CFAP299: variants seen among roughly 807,000 people sequenced by gnomAD.
CFAP299 encodes the protein cilia and flagella associated protein 299, also known as cilia- and flagella-associated protein 299.
A neutral mutation model predicts 27.0 loss-of-function variants in CFAP299; 21 were observed. The observed-to-expected ratio is 0.78, with a 90% CI of 0.55 to 1.12. CFAP299 has a LOEUF of 1.12. Among genes scored for constraint, CFAP299 ranks in the 50% most tolerant of loss-of-function variants. The pLI, the probability that CFAP299 is intolerant of heterozygous loss-of-function variation, is 0.00. For synonymous variants in CFAP299, 104 were observed against 98.1 expected, an observed-to-expected ratio of 1.06 and a Z score of -0.36; for missense variants, 310 against 276.6, an observed-to-expected ratio of 1.12 and a Z score of -0.86.
intron 4 of CFAP299, among the ~76,000 whole-genome samples, chr4:80,931,357 T>C (rs1374415170): frequency 1.3e-5 from 2 of 152,108 alleles, no homozygotes; most frequent in Non-Finnish European, 2.9e-5. Context: ...CCCCTTAGAA[T>C]TTCTAAGATG....
intron 3 of CFAP299, among the ~76,000 whole-genome samples, chr4:80,731,793 T>C (rs1268029207): frequency 6.6e-6 from 1 of 152,176 alleles, no homozygotes; most frequent in Non-Finnish European, 1.5e-5. Flanking sequence ...TCTCATAATG[T>C]CATGATTATT....
At chr4:80,461,581 G>A (rs1729439994) in intron 2 of CFAP299, among the ~76,000 whole-genome samples, 1 of 152,104 alleles carries the variant, frequency 6.6e-6, no homozygotes, top group East Asian at 1.9e-4. Flanking sequence ...AGGGAGGAAT[G>A]TATAATGAGG....
chr4:80,914,225 T>G (rs1427285659), intron 4 of CFAP299, among the ~76,000 whole-genome samples: 1 of 152,212 alleles, frequency 6.6e-6, no homozygotes, highest in Non-Finnish European at 1.5e-5. Flanking sequence ...TTATTGGATA[T>G]GATAAGCACA....
rs114877588 is a variant in CFAP299, at chr4:80,636,256, A to G, written c.333+53073A>G. The stretch of plus-strand genomic sequence containing the variant: ...TAACTTTCAGGTGGCCTTAAACTTC[A>G]TGTGACTCTTTATTGTATCCTCAGA... On this transcript the variant is annotated intron_variant, in intron 3 of 5. Coordinates refer to ENST00000358105, the MANE Select transcript of CFAP299 (RefSeq NM_152770.3). Among the ~76,000 whole-genome samples, 871 of 152,280 alleles carry G rather than the reference A, an allele frequency of 5.7e-3. 6 individuals are homozygous for G. Among genetic ancestry groups the G allele is most frequent in the African/African-American group, 0.02 (812 of 41,572 alleles).
chr4:80,650,875 G>T (rs113763853), intron 3 of CFAP299, among the ~76,000 whole-genome samples: 3 of 151,984 alleles, frequency 2.0e-5, no homozygotes, highest in Non-Finnish European at 2.9e-5. Context: ...GGATGGGAAG[G>T]GGGTGCGGGA....
intron 3 of CFAP299, among the ~76,000 whole-genome samples, chr4:80,673,628 C>T (rs1400596609): frequency 6.6e-6 from 1 of 152,080 alleles, no homozygotes; most frequent in Non-Finnish European, 1.5e-5. Context: ...TAAAGTCTCC[C>T]ATTATTATTG....
intron 3 of CFAP299, among the ~76,000 whole-genome samples, chr4:80,761,284 C>A (rs1052967798): frequency 6.6e-6 from 1 of 151,892 alleles, no homozygotes; most frequent in African/African-American, 2.4e-5. Context: ...CCAAAACTTT[C>A]TTTCCTCCTA....
intron 3 of CFAP299, among the ~76,000 whole-genome samples, chr4:80,646,988 A>AGTGTGTGTGT (rs1187314742): frequency 6.4e-5 from 2 of 31,040 alleles, no homozygotes; most frequent in African/African-American, 1.2e-4. Context: ...AGAGAGAGAG[A>AGTGTGTGTGT]GTGTGTGTGT....
At chr4:80,321,510 G>T in the CFAP299 span, among the ~76,000 whole-genome samples, 553 of 152,178 alleles carry the variant, frequency 3.6e-3, 4 homozygotes, top group African/African-American at 0.013. Flanking sequence ...GTGGCCACAT[G>T]TCCCCCCGCC....
intron 3 of CFAP299, among the ~76,000 whole-genome samples, chr4:80,618,048 A>G (rs958709056): frequency 6.6e-6 from 1 of 152,160 alleles, no homozygotes; most frequent in Non-Finnish European, 1.5e-5. Context: ...TTTGTGATGT[A>G]TGGTCATTTG....
chr4:80,841,980 A>G (rs1327882731), intron 3 of CFAP299, among the ~76,000 whole-genome samples: 3 of 152,056 alleles, frequency 2.0e-5, no homozygotes, highest in Non-Finnish European at 1.5e-5. Flanking sequence ...AGTATTTCTC[A>G]GTGTGTGAGC....
At chr4:80,668,283 C>A (rs1183057233) in intron 3 of CFAP299, among the ~76,000 whole-genome samples, 2 of 151,872 alleles carry the variant, frequency 1.3e-5, no homozygotes, top group Non-Finnish European at 2.9e-5. Flanking sequence ...ACATGTTTTC[C>A]CGCTGTGCAG....
Position 80,856,689 on chromosome 4 carries a change from G to T in CFAP299, c.334-13304G>T, listed in dbSNP as rs548623151. ...CTTTCCCCATTGCTTGTTTTTCTCA[G>T]GTTTCTCAAAGATCAGATAGTTGTA... is the stretch of plus-strand genomic sequence containing the variant. On this transcript the variant is annotated intron_variant, in intron 3 of 5. Transcript: ENST00000358105. Among the ~76,000 whole-genome samples, 379 of 152,208 alleles carry T rather than the reference G, an allele frequency of 2.5e-3. 1 individual carries two copies. Among genetic ancestry groups the T allele is most frequent in the African/African-American group, 8.6e-3 (358 of 41,512 alleles).
chr4:80,678,915 C>T (rs1352226728), intron 3 of CFAP299, among the ~76,000 whole-genome samples: 5 of 152,048 alleles, frequency 3.3e-5, no homozygotes, highest in Admixed American at 2.0e-4. Flanking sequence ...AACTAGACTA[C>T]AAACCTTGCT....
intron 2 of CFAP299, among the ~76,000 whole-genome samples, chr4:80,372,208 A>G (rs1178656949): frequency 6.6e-6 from 1 of 152,188 alleles, no homozygotes; most frequent in Non-Finnish European, 1.5e-5. Context: ...AGGAGGTGCC[A>G]CACATTTTTA....
At chr4:80,648,646 C>T (rs1560676559) in intron 3 of CFAP299, among the ~76,000 whole-genome samples, 1 of 151,848 alleles carries the variant, frequency 6.6e-6, no homozygotes, top group East Asian at 1.9e-4. Context: ...TTGTACTACT[C>T]AAAGAAAATT....
intron 4 of CFAP299, chr4:80,872,210 C>T (rs1371394406): frequency 6.6e-6 from 1 of 152,018 alleles, no homozygotes; most frequent in African/African-American, 2.4e-5. Flanking sequence ...TACTGACTAT[C>T]GCCCCAGTTT....
chr4:80,743,882 T>C (rs939596462), intron 3 of CFAP299, among the ~76,000 whole-genome samples: 1 of 152,188 alleles, frequency 6.6e-6, no homozygotes, highest in African/African-American at 2.4e-5. Context: ...CCTACACATA[T>C]AAAGTGATCT....
At chr4:80,383,505 GA>G (rs1724815651) in intron 2 of CFAP299, among the ~76,000 whole-genome samples, 3 of 152,110 alleles carry the variant, frequency 2.0e-5, no homozygotes, top group Non-Finnish European at 4.4e-5. Flanking sequence ...TAGCATGACA[GA>G]GTGAACCATA....
Sources: gnomAD v4.1 joint callset for allele counts (sites outside exome capture counted in the v4.1 genomes callset) on GRCh38, gnomAD v4.1.1 for gene constraint, MANE v1.5 for transcripts, NCBI Gene and HGNC (gene_info 2026-07-23, HGNC 2026-07-21) for gene names.